KIAA1217: variants seen among roughly 807,000 people sequenced by gnomAD.
The protein encoded by KIAA1217 is KIAA1217.
In KIAA1217, 88 loss-of-function variants were observed where a neutral mutation model predicts 163.9. That is an observed-to-expected ratio of 0.54 (90% confidence interval 0.45 to 0.64). The LOEUF (loss-of-function observed/expected upper bound fraction) is 0.64. Ranked by LOEUF, KIAA1217 falls within the 30% of genes least tolerant of loss-of-function variation. The pLI, the probability that KIAA1217 is intolerant of heterozygous loss-of-function variation, is 0.00. For synonymous variants in KIAA1217, 903 were observed against 923.1 expected (o/e 0.98, Z 0.39); for missense variants, 2,372 against 2,475.0 (o/e 0.96, Z 0.88).
intron 1 of KIAA1217, among the ~76,000 whole-genome samples, chr10:23,893,247 C>A (rs1260876467): frequency 6.6e-6 from 1 of 152,034 alleles, no homozygotes; most frequent in African/African-American, 2.4e-5. Flanking sequence ...GGAATTTATC[C>A]ATTTCTTCCA....
chr10:23,814,387 G>C (rs1339061212), intron 1 of KIAA1217, among the ~76,000 whole-genome samples: 1 of 152,064 alleles, frequency 6.6e-6, no homozygotes, highest in Non-Finnish European at 1.5e-5. Flanking sequence ...CTATTTCCTG[G>C]CTGAGTGATC....
chr10:23,922,830 C>T (rs530764465), intron 1 of KIAA1217, among the ~76,000 whole-genome samples: 1 of 152,130 alleles, frequency 6.6e-6, no homozygotes, highest in South Asian at 2.1e-4. Flanking sequence ...TAAAGGAAAA[C>T]CTATCCAGAA....
intron 2 of KIAA1217, among the ~76,000 whole-genome samples, chr10:24,115,252 G>A (rs1049478860): frequency 2.0e-5 from 3 of 152,226 alleles, no homozygotes; most frequent in African/African-American, 7.2e-5. Flanking sequence ...TTGAGGAGCT[G>A]TTACTGACAG....
At chr10:23,869,392 C>T (rs1840354510) in intron 1 of KIAA1217, among the ~76,000 whole-genome samples, 1 of 151,926 alleles carries the variant, frequency 6.6e-6, no homozygotes, top group Admixed American at 6.6e-5. Context: ...AGTCAACAGA[C>T]TTGTTTCAAG....
chr10:24,060,377 T>C (rs2060678869), intron 2 of KIAA1217, among the ~76,000 whole-genome samples: 1 of 152,190 alleles, frequency 6.6e-6, no homozygotes, highest in South Asian at 2.1e-4. Flanking sequence ...TTTTTTCTTT[T>C]ACTCACTGGT....
chr10:23,941,062 G>A (rs1399788610), intron 1 of KIAA1217, among the ~76,000 whole-genome samples: 1 of 152,176 alleles, frequency 6.6e-6, no homozygotes, highest in Non-Finnish European at 1.5e-5. Flanking sequence ...AGTGCCTACA[G>A]CCCTGCTAGA....
chr10:23,986,084 T>C (rs1845957444), intron 1 of KIAA1217, among the ~76,000 whole-genome samples: 1 of 152,244 alleles, frequency 6.6e-6, no homozygotes, highest in Non-Finnish European at 1.5e-5. Context: ...TCAAGTAAAG[T>C]TGATATCCCA....
At position 24,539,259 on chromosome 10, in the gene KIAA1217, C is replaced by T. The variant is rs117546421; in HGVS notation, c.3534+2366C>T. Among the ~76,000 whole-genome samples the T allele has an allele frequency of 6.2e-3, 946 of 152,054 alleles. 3 individuals are homozygous for T. Among genetic ancestry groups the T allele is most frequent in the Non-Finnish European group, 0.01 (688 of 68,004 alleles). Reference sequence around the variant, plus strand: ...TTTCTTTTTAATTGAAATGGAGTCTCGCTCTATCACCCAAGCTGGAGTGCA... The same window carrying T: ...TTTCTTTTTAATTGAAATGGAGTCTTGCTCTATCACCCAAGCTGGAGTGCA... On this transcript the variant is annotated intron_variant, in intron 17 of 20. Transcript: ENST00000376454.
At chr10:24,225,076 T>C (rs542696821) in intron 2 of KIAA1217, among the ~76,000 whole-genome samples, 40 of 152,014 alleles carry the variant, frequency 2.6e-4, no homozygotes, top group Admixed American at 7.9e-4. Context: ...CTGCCCGCCT[T>C]GGCCTCCCAA....
chr10:24,432,977 T>C lies in KIAA1217; in HGVS notation c.554-18T>C. The C allele has an allele frequency of 6.2e-7, 1 of 1,610,788 alleles. No homozygotes were observed. The highest frequency in any genetic ancestry group is 1.1e-5 in the South Asian group (1 of 90,958). On this transcript the variant is annotated intron_variant, in intron 3 of 20. Transcript: ENST00000376454. ...TGAGTCTTGACCTGTGACTAATAAC[T>C]GTTTCCTTTGTGTGCAGGGGTTCTC...
chr10:23,913,425 A>C (rs1356218551), intron 1 of KIAA1217, among the ~76,000 whole-genome samples: 1 of 152,072 alleles, frequency 6.6e-6, no homozygotes, highest in Non-Finnish European at 1.5e-5. Flanking sequence ...CAAAAAAAAA[A>C]AAGTAAAAGA....
intron 2 of KIAA1217, among the ~76,000 whole-genome samples, chr10:24,357,829 T>A (rs2049318962): frequency 6.6e-6 from 1 of 152,164 alleles, no homozygotes; most frequent in African/African-American, 2.4e-5. Context: ...TAGATTGGAA[T>A]GCTCTTGGCT....
chr10:24,532,054 G>T lies in KIAA1217; in HGVS notation c.3246+61G>T. Reference sequence around the variant, plus strand: ...GGTTCAGATGATACCCTTAGACAAGGTTCTCTCTGTTGGAACATAAAAAGT... The same window carrying T: ...GGTTCAGATGATACCCTTAGACAAGTTTCTCTCTGTTGGAACATAAAAAGT... On this transcript the variant is annotated intron_variant, in intron 15 of 20. Coordinates refer to ENST00000376454, the MANE Select transcript of KIAA1217 (RefSeq NM_019590.5). 3 of 1,364,926 alleles carry T rather than the reference G, an allele frequency of 2.2e-6. No individual in the cohort carries two copies. In the South Asian group the frequency reaches 6.3e-5, roughly 29 times the overall value. The allele number at this position is 1,364,926 out of a possible 1,614,324, so 84.6% of individuals were successfully genotyped here. A position where few individuals can be genotyped will look rare whatever the true frequency, so the allele number is the denominator to read the frequency against.
upstream of KIAA1217, among the ~76,000 whole-genome samples, chr10:24,205,822 T>C (rs182843623): frequency 2.3e-4 from 35 of 151,434 alleles, 1 homozygote; most frequent in East Asian, 5.0e-3. Flanking sequence ...ATGAAGGAAG[T>C]TGACATGCTT....
At chr10:23,849,747 T>A (rs921831141) in intron 1 of KIAA1217, among the ~76,000 whole-genome samples, 9 of 152,070 alleles carry the variant, frequency 5.9e-5, no homozygotes, top group African/African-American at 9.7e-5. Flanking sequence ...ACCTTTCATC[T>A]CTCTGTCTAC....
intron 2 of KIAA1217, among the ~76,000 whole-genome samples, chr10:24,354,286 T>C (rs1003095109): frequency 6.6e-6 from 1 of 152,080 alleles, no homozygotes; most frequent in African/African-American, 2.4e-5. Context: ...GAGACAGGGG[T>C]GTGGCTAGTC....
intron 2 of KIAA1217, among the ~76,000 whole-genome samples, chr10:24,034,073 T>A (rs943313432): frequency 1.6e-4 from 25 of 152,246 alleles, no homozygotes; most frequent in African/African-American, 5.5e-4. Flanking sequence ...TTACCTTTAA[T>A]TCATATGCAT....
At chr10:24,065,989 T>G (rs1246289940) in intron 2 of KIAA1217, among the ~76,000 whole-genome samples, 4 of 152,214 alleles carry the variant, frequency 2.6e-5, no homozygotes, top group Non-Finnish European at 5.9e-5. Context: ...GTTTTCCATT[T>G]GCTTGGTAGA....
At chr10:23,774,602 A>G (rs1274153769) in intron 1 of KIAA1217, among the ~76,000 whole-genome samples, 1 of 152,090 alleles carries the variant, frequency 6.6e-6, no homozygotes, top group African/African-American at 2.4e-5. Context: ...TCCAGGCTCG[A>G]ATTGGGCCAA....
Sources: gnomAD v4.1 joint callset for allele counts (sites outside exome capture counted in the v4.1 genomes callset) on GRCh38, gnomAD v4.1.1 for gene constraint, MANE v1.5 for transcripts, NCBI Gene and HGNC (gene_info 2026-07-23, HGNC 2026-07-21) for gene names.